The following MAGI2 variants were observed in gnomAD, a reference collection of about 807,000 sequenced individuals.
MAGI2 encodes the protein membrane-associated guanylate kinase, WW and PDZ domain-containing protein 2.
Under a neutral mutation model 133.3 loss-of-function variants are expected in MAGI2, and 35 were observed. The ratio of observed to expected loss-of-function variants is 0.26; its 90% CI spans 0.20 to 0.35. The LOEUF is 0.35. MAGI2 is among the 10% of genes least tolerant of loss of function. MAGI2 has a pLI of 1.00. For missense variants in MAGI2, 1,636 were observed against 1,863.4 expected (o/e 0.88, Z 2.25); for synonymous variants, 729 against 710.6 (o/e 1.03, Z -0.41).
chr7:78,921,326 G>C (rs1276358409), intron 2 of MAGI2, among the ~76,000 whole-genome samples: 1 of 152,098 alleles, frequency 6.6e-6, no homozygotes, highest in East Asian at 1.9e-4. Context: ...ATGGCTTCTT[G>C]ACTTTATCAT....
chr7:78,613,334 CT>C (rs1806680429), intron 3 of MAGI2, among the ~76,000 whole-genome samples: 1 of 152,162 alleles, frequency 6.6e-6, no homozygotes, highest in Admixed American at 6.6e-5. Flanking sequence ...GAGCCATTGC[CT>C]TGTGGGTACA....
intron 6 of MAGI2, among the ~76,000 whole-genome samples, chr7:78,483,222 T>G (rs116830585): frequency 2.0e-5 from 3 of 152,042 alleles, no homozygotes; most frequent in Middle Eastern, 3.4e-3. Flanking sequence ...AAAGCCATAT[T>G]TGAAAAATTT....
intron 1 of MAGI2, among the ~76,000 whole-genome samples, chr7:79,341,605 G>A (rs1178869143): frequency 6.6e-6 from 1 of 152,156 alleles, no homozygotes; most frequent in Non-Finnish European, 1.5e-5. Flanking sequence ...AAAGGTGATA[G>A]TTCATAAATA....
At chr7:79,110,003 A>C (rs928546250) in intron 1 of MAGI2, among the ~76,000 whole-genome samples, 1 of 152,220 alleles carries the variant, frequency 6.6e-6, no homozygotes, top group Non-Finnish European at 1.5e-5. Flanking sequence ...ATCTGGCCCC[A>C]GTCTTGGCTC....
chr7:79,416,421 A>G (rs550665410), intron 1 of MAGI2, among the ~76,000 whole-genome samples: 60 of 152,218 alleles, frequency 3.9e-4, no homozygotes, highest in African/African-American at 1.4e-3. Flanking sequence ...CATTTACAAA[A>G]CATCTTTAAG....
At chr7:78,188,201 G>A (rs145627529) in intron 12 of MAGI2, among the ~76,000 whole-genome samples, 3 of 151,972 alleles carry the variant, frequency 2.0e-5, no homozygotes, top group South Asian at 2.1e-4. Flanking sequence ...AAATATAAAC[G>A]TTACCACAGT....
chr7:79,169,795 T>C (rs1372084005), intron 1 of MAGI2, among the ~76,000 whole-genome samples: 1 of 152,082 alleles, frequency 6.6e-6, no homozygotes, highest in African/African-American at 2.4e-5. Context: ...CAACTAAACA[T>C]ACCGGAATCC....
intron 1 of MAGI2, among the ~76,000 whole-genome samples, chr7:79,034,559 C>A (rs1338980125): frequency 6.6e-6 from 1 of 152,034 alleles, no homozygotes; most frequent in African/African-American, 2.4e-5. Context: ...GGTATAGACT[C>A]ATTACTAAGA....
intron 1 of MAGI2, among the ~76,000 whole-genome samples, chr7:79,442,451 A>AGTGTGTGTGTGTGTGTGTGTGT (rs3028947): frequency 6.9e-6 from 1 of 145,138 alleles, no homozygotes; most frequent in African/African-American, 2.5e-5. Context: ...GTGTTTGAAG[A>AGTGTGTGTGTGTGTGTGTGTGT]GTGTGTGTGT....
chr7:79,257,464 A>C (rs142684100), intron 1 of MAGI2, among the ~76,000 whole-genome samples: 1 of 152,230 alleles, frequency 6.6e-6, no homozygotes. Context: ...TGTAAAAAGC[A>C]TTCACTTGTG....
intron 1 of MAGI2, among the ~76,000 whole-genome samples, chr7:79,329,534 T>G (rs577380869): frequency 6.6e-6 from 1 of 152,232 alleles, no homozygotes; most frequent in South Asian, 2.1e-4. Flanking sequence ...ATTATAAAGA[T>G]GGCTGGAAGA....
intron 2 of MAGI2, among the ~76,000 whole-genome samples, chr7:78,685,988 G>A (rs200903943): frequency 1.6e-5 from 1 of 63,798 alleles, no homozygotes; most frequent in Non-Finnish European, 3.6e-5. Context: ...TTTTTTTTTT[G>A]TCAATAGCAT....
intron 9 of MAGI2, among the ~76,000 whole-genome samples, chr7:78,298,062 G>T (rs192310586): frequency 6.6e-6 from 1 of 151,408 alleles, no homozygotes; most frequent in Admixed American, 6.6e-5. Flanking sequence ...ATATACTTTC[G>T]ATATGATGTG....
intron 1 of MAGI2, among the ~76,000 whole-genome samples, chr7:79,124,065 G>A (rs565575441): frequency 4.7e-4 from 71 of 152,124 alleles, no homozygotes; most frequent in African/African-American, 1.6e-3. Context: ...TTAACAGTAC[G>A]TTAGCATGAG....
chr7:78,583,859 T>A (rs1447362973), intron 3 of MAGI2, among the ~76,000 whole-genome samples: 1 of 152,214 alleles, frequency 6.6e-6, no homozygotes, highest in East Asian at 1.9e-4. Context: ...ATTTCTCTTG[T>A]CTATGGTAAT....
At position 78,168,728 on chromosome 7, in the gene MAGI2, C is replaced by T. The variant is rs746410413; in HGVS notation, c.2404-620G>A. ...CATGTGAAGCATTTAACTTTTTTCA[C>T]GGCACTTAACGAGGGATCAAAAAGA... On this transcript the variant is annotated intron_variant, in intron 14 of 21. Coordinates refer to ENST00000354212, the MANE Select transcript of MAGI2 (RefSeq NM_012301.4). Among the ~76,000 whole-genome samples, 6 of 152,240 alleles carry T rather than the reference C, an allele frequency of 3.9e-5. No homozygotes were observed. The East Asian group carries it at 5.8e-4, about 15-fold the overall frequency.
chr7:78,057,177 C>T (rs1257674973), intron 21 of MAGI2, among the ~76,000 whole-genome samples: 2 of 151,740 alleles, frequency 1.3e-5, no homozygotes, highest in Non-Finnish European at 2.9e-5. Flanking sequence ...ACTTGCAATC[C>T]CACAAACAGA....
intron 21 of MAGI2, among the ~76,000 whole-genome samples, chr7:78,020,954 T>C (rs1808336305): frequency 6.6e-6 from 1 of 152,160 alleles, no homozygotes; most frequent in Non-Finnish European, 1.5e-5. Flanking sequence ...AGTTCCAACA[T>C]TTACTTAGGA....
intron 2 of MAGI2, among the ~76,000 whole-genome samples, chr7:78,728,346 A>G (rs1327455783): frequency 6.6e-6 from 1 of 152,164 alleles, no homozygotes; most frequent in African/African-American, 2.4e-5. Flanking sequence ...TTTTTAAAAA[A>G]TGATCTATCA....
Sources: gnomAD v4.1 joint callset for allele counts (sites outside exome capture counted in the v4.1 genomes callset) on GRCh38, gnomAD v4.1.1 for gene constraint, MANE v1.5 for transcripts, NCBI Gene and HGNC (gene_info 2026-07-23, HGNC 2026-07-21) for gene names.